The following MRPS9 variants were observed in gnomAD, a reference collection of about 807,000 sequenced individuals.
MRPS9 encodes mitochondrial ribosomal protein S9.
A neutral mutation model predicts 59.9 loss-of-function variants in MRPS9; 45 were observed. The observed-to-expected ratio is 0.75, with a 90% CI of 0.59 to 0.96. MRPS9 has a LOEUF of 0.96. Among genes scored for constraint, MRPS9 ranks in the 40% least tolerant of loss-of-function variants. The pLI, the probability that MRPS9 is intolerant of heterozygous loss-of-function variation, is 0.00. For missense variants in MRPS9, 473 were observed against 481.1 expected, an observed-to-expected ratio of 0.98 and a Z score of 0.16; for synonymous variants, 171 against 166.8, an observed-to-expected ratio of 1.03 and a Z score of -0.19.
intron 4 of MRPS9, among the ~76,000 whole-genome samples, chr2:105,072,194 A>C (rs558966565): frequency 3.3e-5 from 5 of 152,320 alleles, no homozygotes. Context: ...TTACCCATCA[A>C]GCTTTTGCTG....
intron 1 of MRPS9, among the ~76,000 whole-genome samples, chr2:105,043,205 G>C (rs923512418): frequency 1.3e-5 from 2 of 151,998 alleles, no homozygotes; most frequent in African/African-American, 4.8e-5. Flanking sequence ...AGTTAAACAG[G>C]GTTTATGCGT....
chr2:105,088,548 A>G (rs981996277), intron 5 of MRPS9, among the ~76,000 whole-genome samples: 5 of 152,122 alleles, frequency 3.3e-5, no homozygotes, highest in African/African-American at 4.8e-5. Flanking sequence ...AAGTCGTATT[A>G]AATAATACGT....
intron 4 of MRPS9, among the ~76,000 whole-genome samples, chr2:105,073,717 T>C (rs57195491): frequency 7.9e-5 from 12 of 152,258 alleles, no homozygotes; most frequent in African/African-American, 2.9e-4. Context: ...GCACTCATAT[T>C]AGACAAAATG....
At chr2:105,060,573 A>G (rs978103248) in intron 2 of MRPS9, among the ~76,000 whole-genome samples, 14 of 152,188 alleles carry the variant, frequency 9.2e-5, no homozygotes, top group African/African-American at 3.4e-4. Context: ...GAGCCACTGC[A>G]CCTGGCCGCT....
chr2:105,056,345 T>C (rs560283501), intron 2 of MRPS9, among the ~76,000 whole-genome samples: 70 of 152,284 alleles, frequency 4.6e-4, no homozygotes, highest in African/African-American at 1.6e-3. Context: ...TACAGTGCTT[T>C]AGTATTTTCC....
At chr2:105,076,490 C>G (rs192548125) in intron 4 of MRPS9, among the ~76,000 whole-genome samples, 113 of 152,354 alleles carry the variant, frequency 7.4e-4, no homozygotes, top group African/African-American at 2.6e-3. Flanking sequence ...CATATTCATA[C>G]AGACACATAC....
chr2:105,084,013 C>T (rs1297013240), intron 5 of MRPS9, among the ~76,000 whole-genome samples: 1 of 151,966 alleles, frequency 6.6e-6, no homozygotes, highest in Admixed American at 6.6e-5. Flanking sequence ...CCTAGTTTTA[C>T]GACTGATATC....
chr2:105,072,160 A>G (rs537560454), intron 4 of MRPS9, among the ~76,000 whole-genome samples: 3 of 152,322 alleles, frequency 2.0e-5, no homozygotes, highest in African/African-American at 7.2e-5. Context: ...TTTCTTTAAA[A>G]AACACTCAAA....
At chr2:105,057,722 CTT>C (rs981502879) in intron 2 of MRPS9, among the ~76,000 whole-genome samples, 10 of 152,284 alleles carry the variant, frequency 6.6e-5, no homozygotes, top group African/African-American at 2.4e-4. Context: ...ATCAAAAATT[CTT>C]TTACTCAAAA....
chr2:105,089,223 G>A (rs1680509341), intron 6 of MRPS9, among the ~76,000 whole-genome samples, 154 bp downstream of exon 6: 1 of 152,054 alleles, frequency 6.6e-6, no homozygotes, highest in Non-Finnish European at 1.5e-5. Flanking sequence ...GATAGTTTTT[G>A]TTTAGGAGGA....
At chr2:105,097,789 C>T (rs1488191433) in intron 10 of MRPS9, among the ~76,000 whole-genome samples, 1 of 152,178 alleles carries the variant, frequency 6.6e-6, no homozygotes, top group Non-Finnish European at 1.5e-5. Context: ...CAGCCTTAAA[C>T]TTCTGGGCTC....
intron 1 of MRPS9, among the ~76,000 whole-genome samples, chr2:105,044,109 T>C (rs1390285237): frequency 6.6e-6 from 1 of 152,044 alleles, no homozygotes; most frequent in Non-Finnish European, 1.5e-5. Context: ...CTAATTTTTG[T>C]ATTTTTAGTA....
rs1680108979 is a variant in MRPS9 at position 105,071,384 on chromosome 2, C to T, written c.378+9C>T. ...CCAGGCCAGTAATGAAGGTAGTTATCTTAATTACTATTTTAAAAATTTCAC... is the reference window on the plus strand; with the variant it reads ...CCAGGCCAGTAATGAAGGTAGTTATTTTAATTACTATTTTAAAAATTTCAC... On this transcript the variant is annotated intron_variant, in intron 3 of 10. Transcript: ENST00000258455. The T allele has an allele frequency of 1.9e-6, 3 of 1,605,216 alleles. No homozygotes were observed. Among genetic ancestry groups the T allele is most frequent in the Non-Finnish European group, 8.5e-7 (1 of 1,175,906 alleles).
intron 5 of MRPS9, among the ~76,000 whole-genome samples, chr2:105,082,239 G>T (rs1208915861): frequency 6.6e-6 from 1 of 152,100 alleles, no homozygotes; most frequent in Non-Finnish European, 1.5e-5. Context: ...TATTTTTGTT[G>T]ATATAATTTT....
intron 5 of MRPS9, among the ~76,000 whole-genome samples, chr2:105,087,888 G>A (rs1213154981): frequency 6.7e-6 from 1 of 149,478 alleles, no homozygotes; most frequent in African/African-American, 2.5e-5. Flanking sequence ...GCAAGCACTA[G>A]TAAATGTGAT....
intron 2 of MRPS9, among the ~76,000 whole-genome samples, chr2:105,050,400 A>G (rs1241369057): frequency 6.6e-6 from 1 of 152,090 alleles, no homozygotes; most frequent in African/African-American, 2.4e-5. Context: ...TCAGCCTCCC[A>G]AATTGCTGGG....
chr2:105,038,321 AGGCAG>A (rs1306062565), intron 1 of MRPS9, 94 bp downstream of exon 1: 18 of 1,494,650 alleles, frequency 1.2e-5, no homozygotes, highest in Non-Finnish European at 1.6e-5. Flanking sequence ...GCGTGCCTTC[AGGCAG>A]GGACTCTAGG....
In MRPS9 at chr2:105,081,864, T is replaced by G. The variant is rs144123710; in HGVS notation, c.489+1802T>G. ...ATGCCTTATGCATACATTTCAGCAT[T>G]ATGTATAGCAGGTGTCATTAATTAC... On this transcript the variant is annotated intron_variant, in intron 5 of 10. Coordinates refer to ENST00000258455, the MANE Select transcript of MRPS9 (RefSeq NM_182640.3). Among the ~76,000 whole-genome samples, 507 of 152,332 alleles carry G rather than the reference T, an allele frequency of 3.3e-3. 5 individuals carry two copies. The highest frequency in any genetic ancestry group is 0.011 in the African/African-American group (471 of 41,578).
At chr2:105,057,387 AT>A (rs1558753135) in intron 2 of MRPS9, among the ~76,000 whole-genome samples, 1 of 151,674 alleles carries the variant, frequency 6.6e-6, no homozygotes, top group Admixed American at 6.6e-5. Flanking sequence ...GTGTGTAAAA[AT>A]TTTTTTTTGG....
Sources: allele counts gnomAD v4.1 joint callset (sites outside exome capture counted in the v4.1 genomes callset), GRCh38; gene constraint gnomAD v4.1.1; transcripts MANE v1.5; gene names NCBI Gene and HGNC (gene_info 2026-07-23, HGNC 2026-07-21).